The following VIP variants were observed in gnomAD, a reference collection of about 807,000 sequenced individuals.
The protein encoded by VIP is vasoactive intestinal peptide.
In VIP, 18 loss-of-function variants were observed where a neutral mutation model predicts 20.1. That is an observed-to-expected ratio of 0.90 (90% CI 0.62 to 1.33). The LOEUF (loss-of-function observed/expected upper bound fraction) is 1.33. VIP is among the 40% of genes most tolerant of loss of function. The pLI, the probability that VIP is intolerant of heterozygous loss-of-function variation, is 0.00. For missense variants in VIP, 209 were observed against 199.4 expected, an observed-to-expected ratio of 1.05 and a Z score of -0.29; for synonymous variants, 70 against 68.1, an observed-to-expected ratio of 1.03 and a Z score of -0.14.
Position 152,756,295 on chromosome 6 carries a change from G to A in VIP, c.467+30G>A, listed in dbSNP as rs1204073007. ...AGAAAAAGAGAACTTGCTAAAATGA[G>A]GAATCATGACTGACTTTCAAAATAG... On this transcript the variant is annotated intron_variant, in intron 5 of 6. Coordinates refer to ENST00000367244, the MANE Select transcript of VIP (RefSeq NM_003381.4). 8 of 1,595,738 alleles carry A rather than the reference G, an allele frequency of 5.0e-6. No homozygotes were observed. In the East Asian group the frequency reaches 9.0e-5, roughly 18 times the overall value.
rs761619649 is a variant in VIP, at chr6:152,755,369, G to A, written c.331G>A (p.Val111Ile). ...KYLESLMGKR[V>I]SSNISEDPVP... ...CCTTGAGTCTCTTATGGGAAAACGT[G>A]TTAGGTAAAGAGAATTTATTATTTT... The change falls in exon 4 of 7, where the codon GTT (valine) becomes ATT (isoleucine). Residue 111 changes from valine (V) to isoleucine (I), a missense_variant. By Grantham distance (29) the Val-to-Ile change is conservative (BLOSUM62 3). Transcript: ENST00000367244. 23 of 1,532,682 alleles carry A rather than the reference G, an allele frequency of 1.5e-5. No homozygotes were observed. In the East Asian group the frequency reaches 3.5e-4, roughly 24 times the overall value. The allele number at this position is 1,532,682 out of a possible 1,614,324, so 94.9% of individuals were successfully genotyped here. A position where few individuals can be genotyped will look rare whatever the true frequency, so the allele number is the denominator to read the frequency against.
chr6:152,757,146 A>G lies in VIP; in HGVS notation c.*5A>G. ...CCAGAAGAGTTAGAAAAATGATGAAAAAGACCTTTGGAGCAAAGCTGATGA... is the reference window on the plus strand; with the variant it reads ...CCAGAAGAGTTAGAAAAATGATGAAGAAGACCTTTGGAGCAAAGCTGATGA... On this transcript the variant is annotated 3_prime_UTR_variant, in exon 6 of 7. Coordinates refer to ENST00000367244, the MANE Select transcript of VIP (RefSeq NM_003381.4). The G allele has an allele frequency of 6.2e-7, 1 of 1,611,552 alleles. No individual in the cohort carries two copies. Among genetic ancestry groups the G allele is most frequent in the Non-Finnish European group, 8.5e-7 (1 of 1,178,518 alleles).
intron 6 of VIP, among the ~76,000 whole-genome samples, chr6:152,757,473 TA>T (rs1209318823): frequency 2.0e-5 from 3 of 151,798 alleles, no homozygotes; most frequent in African/African-American, 4.8e-5. Flanking sequence ...TGTATCAAGA[TA>T]AAAAAACAGA....
At chr6:152,756,350 C>A in intron 5 of VIP, 85 bp downstream of exon 5, 1 of 1,439,592 alleles carries the variant, frequency 6.9e-7, no homozygotes. Context: ...CTCTATCTCA[C>A]TTATCTAGCT....
At position 152,752,059 on chromosome 6, in the gene VIP, A is replaced by G. The variant is rs199737255; in HGVS notation, c.-10-109A>G. 5 of 633,988 alleles carry G rather than the reference A, an allele frequency of 7.9e-6. No individual in the cohort carries two copies. In the East Asian group the frequency reaches 1.1e-4, roughly 14 times the overall value. 39.3% of individuals were successfully genotyped at this position (633,988 alleles called of 1,614,324 possible). A position where few individuals can be genotyped will look rare whatever the true frequency, so the allele number is the denominator to read the frequency against. Reference sequence around the variant, plus strand: ...TAACTCTTTCTACAAGATGAAAATTACTCTTTACAAACTCTGCAAGAGCCA... The same window carrying G: ...TAACTCTTTCTACAAGATGAAAATTGCTCTTTACAAACTCTGCAAGAGCCA... On this transcript the variant is annotated intron_variant, in intron 1 of 6. Coordinates refer to ENST00000367244, the MANE Select transcript of VIP (RefSeq NM_003381.4).
intron 3 of VIP, 53 bp downstream of exon 3, chr6:152,754,341 T>C (rs2099730088): frequency 6.5e-7 from 1 of 1,528,020 alleles, no homozygotes; most frequent in Non-Finnish European, 8.9e-7. Context: ...GAAAATGTGT[T>C]TAAGAACTAT....
chr6:152,757,717 G>A (rs1179985096), intron 6 of VIP, among the ~76,000 whole-genome samples: 2 of 151,878 alleles, frequency 1.3e-5, no homozygotes, highest in African/African-American at 4.8e-5. Flanking sequence ...GTTAAATTTA[G>A]CTTGTTTTAC....
Position 152,752,174 on chromosome 6 carries a change from A to G in VIP, c.-4A>G, listed in dbSNP as rs1015772902. The G allele has an allele frequency of 6.2e-7, 1 of 1,612,702 alleles. No homozygotes were observed. The highest frequency in any genetic ancestry group is 8.5e-7 in the Non-Finnish European group (1 of 1,179,004). ...GGTGATTCTCTCTCTTTAGAGGCAC[A>G]GAAATGGACACCAGAAATAAGGCCC... On this transcript the variant is annotated 5_prime_UTR_variant, in exon 2 of 7. Coordinates refer to ENST00000367244, the MANE Select transcript of VIP (RefSeq NM_003381.4).
At chr6:152,756,593 T>C (rs985709345) in intron 5 of VIP, among the ~76,000 whole-genome samples, 1 of 151,978 alleles carries the variant, frequency 6.6e-6, no homozygotes, top group African/African-American at 2.4e-5. Context: ...AAGAGCAAGT[T>C]TCATCAAAAG....
chr6:152,756,060 A>T (rs1269099972), intron 4 of VIP, 74 bp from the exon 5 acceptor site: 12 of 1,386,676 alleles, frequency 8.7e-6, no homozygotes, highest in Non-Finnish European at 1.1e-5. Context: ...TGTGGCTCCA[A>T]GAAACCTGGA....
At chr6:152,755,146 A>G (rs2099730223) in intron 3 of VIP, 123 bp from the exon 4 acceptor site, 1 of 551,868 alleles carries the variant, frequency 1.8e-6, no homozygotes, top group Admixed American at 3.9e-5. Flanking sequence ...CTCCTTTTGA[A>G]CTTTAGTTTT....
At chr6:152,757,313 GA>G in intron 6 of VIP, 129 bp downstream of exon 6, 1 of 614,330 alleles carries the variant, frequency 1.6e-6, no homozygotes, top group East Asian at 2.8e-5. Context: ...ATCCAAGACA[GA>G]CACTTCTACA....
intron 2 of VIP, among the ~76,000 whole-genome samples, chr6:152,753,855 C>T (rs1211227174): frequency 6.6e-6 from 1 of 151,984 alleles, no homozygotes; most frequent in African/African-American, 2.4e-5. Context: ...TGAAGATATT[C>T]TTGGCATAGT....
chr6:152,756,975 T>A, intron 5 of VIP, 121 bp from the exon 6 acceptor site: 1 of 827,788 alleles, frequency 1.2e-6, no homozygotes, highest in East Asian at 2.7e-5. Context: ...AAGATAATTG[T>A]TTAGCCTCCC....
intron 1 of VIP, among the ~76,000 whole-genome samples, chr6:152,751,263 A>T (rs562372859): frequency 6.6e-6 from 1 of 152,216 alleles, no homozygotes; most frequent in Non-Finnish European, 1.5e-5. Flanking sequence ...TTGACTGAAA[A>T]TTTCAGTGGG....
At position 152,755,986 on chromosome 6, in the gene VIP, T is replaced by C. The variant is rs1303473526; in HGVS notation, c.336-148T>C. 10 of 805,214 alleles carry C rather than the reference T, an allele frequency of 1.2e-5. No homozygotes were observed. In the South Asian group the frequency reaches 2.8e-4, roughly 23 times the overall value. 49.9% of individuals were successfully genotyped at this position (805,214 alleles called of 1,614,324 possible). On this transcript the variant is annotated intron_variant, in intron 4 of 6. Transcript: ENST00000367244. ...TCCTTGCTTTCCTTCATCCTTAGGT[T>C]TAGTTGTATTTTTCTTTTAGTCTTT...
intron 6 of VIP, 79 bp downstream of exon 6, chr6:152,757,263 A>C (rs1241346135): frequency 3.2e-6 from 3 of 926,986 alleles, no homozygotes; most frequent in Non-Finnish European, 3.3e-6. Context: ...ACTTAGTAAG[A>C]AACATCTTAG....
chr6:152,756,140 C>G lies in VIP; in HGVS notation c.342C>G (p.Asn114Lys). Residue 114 changes from asparagine (N) to lysine (K), a missense_variant, in exon 5 of 7, where the codon AAC becomes AAG. By Grantham distance (94) the Asn-to-Lys change is moderately conservative. Transcript: ENST00000367244. ...ESLMGKRVSS[N>K]ISEDPVPVKR... ...TTTTCCTCATGTTCCTTAGCAGTAA[C>G]ATCTCAGAAGACCCTGTACCAGTCA... is the stretch of plus-strand genomic sequence containing the variant. 6.4e-7 allele frequency: 1 copy of G among 1,568,962 alleles called. No homozygotes were observed. The highest frequency in any genetic ancestry group is 8.6e-7 in the Non-Finnish European group (1 of 1,159,522).
intron 5 of VIP, 27 bp downstream of exon 5, chr6:152,756,292 T>C (rs1455306420): frequency 1.3e-6 from 2 of 1,595,732 alleles, no homozygotes; most frequent in East Asian, 2.2e-5. Flanking sequence ...CTTGCTAAAA[T>C]GAGGAATCAT....
Sources: gnomAD v4.1 joint callset for allele counts (sites outside exome capture counted in the v4.1 genomes callset) on GRCh38, gnomAD v4.1.1 for gene constraint, MANE v1.5 for transcripts, NCBI Gene and HGNC (gene_info 2026-07-23, HGNC 2026-07-21) for gene names.